Variants in THSD7B observed in about 807,000 individuals in gnomAD.
THSD7B encodes thrombospondin type 1 domain containing 7B, also known as thrombospondin type-1 domain-containing protein 7B.
THSD7B carries 138 observed loss-of-function variants against 213.6 expected under a neutral mutation model. That is an observed-to-expected ratio of 0.65 (90% CI 0.56 to 0.74). THSD7B has a LOEUF of 0.74. THSD7B is among the 30% of genes least tolerant of loss of function. The probability of loss-of-function intolerance (pLI) is 0.00; values close to 1 mark genes in which losing one functional copy is unlikely to be tolerated. For synonymous variants in THSD7B, 742 were observed against 687.0 expected, an observed-to-expected ratio of 1.08 and a Z score of -1.25; for missense variants, 1,931 against 1,991.5, an observed-to-expected ratio of 0.97 and a Z score of 0.58.
intron 15 of THSD7B, among the ~76,000 whole-genome samples, chr2:137,522,238 T>C (rs1470942013): frequency 1.3e-5 from 2 of 152,226 alleles, no homozygotes; most frequent in Non-Finnish European, 2.9e-5. Context: ...GAGTCCCTTG[T>C]AGACTGCATG....
chr2:137,178,064 C>T (rs1354494541), intron 7 of THSD7B, among the ~76,000 whole-genome samples: 4 of 136,252 alleles, frequency 2.9e-5, no homozygotes, highest in Admixed American at 7.6e-5. Context: ...AGCTAAACTC[C>T]GTCTCAAAAA....
chr2:137,644,706 GA>G (rs1682998024), intron 21 of THSD7B, among the ~76,000 whole-genome samples: 1 of 152,016 alleles, frequency 6.6e-6, no homozygotes, highest in South Asian at 2.1e-4. Flanking sequence ...TTGCACAAAG[GA>G]AAAACATCTT....
chr2:136,847,698 C>A (rs1479835229), intron 1 of THSD7B, among the ~76,000 whole-genome samples: 1 of 152,030 alleles, frequency 6.6e-6, no homozygotes, highest in African/African-American at 2.4e-5. Context: ...CTGTCAGCGC[C>A]CACCAAGGCA....
Position 137,618,427 on chromosome 2 carries a change from T to A in THSD7B, c.3601T>A (p.Cys1201Ser). The change falls in exon 19 of 28, where the codon TGT becomes AGT. Residue 1201 changes from cysteine to serine, a missense_variant. Physicochemically the swap from Cys to Ser is moderately radical, Grantham distance 112. Coordinates refer to ENST00000409968, the MANE Select transcript of THSD7B (RefSeq NM_001316349.2). Reference protein sequence around the residue: ...STCQLSENAPCGQGVRTRLLS... With the variant: ...STCQLSENAPSGQGVRTRLLS... ...ATGCCAGCTGAGTGAAAACGCACCCTGTGGTCAAGGCGTCAGGACCCGCCT... is the reference window on the plus strand; with the variant it reads ...ATGCCAGCTGAGTGAAAACGCACCCAGTGGTCAAGGCGTCAGGACCCGCCT... The A allele has an allele frequency of 1.2e-6, 2 of 1,613,864 alleles. No homozygotes were observed. Among genetic ancestry groups the A allele is most frequent in the South Asian group, 2.2e-5 (2 of 91,066 alleles).
intron 21 of THSD7B, among the ~76,000 whole-genome samples, chr2:137,644,863 G>A (rs955750142): frequency 6.6e-6 from 1 of 152,082 alleles, no homozygotes; most frequent in African/African-American, 2.4e-5. Context: ...AGCTCGCGTG[G>A]GCACAGTGGG....
chr2:136,849,330 A>G (rs1163542522), intron 1 of THSD7B, among the ~76,000 whole-genome samples: 1 of 152,178 alleles, frequency 6.6e-6, no homozygotes, highest in Non-Finnish European at 1.5e-5. Context: ...ATTCTGAAGC[A>G]TTGAGAAGAT....
intron 7 of THSD7B, among the ~76,000 whole-genome samples, chr2:137,222,094 T>C (rs369392801): frequency 6.6e-6 from 1 of 152,212 alleles, no homozygotes; most frequent in South Asian, 2.1e-4. Context: ...TGGAATGTCC[T>C]TTATCTCCAT....
At position 137,160,384 on chromosome 2, in the gene THSD7B, G is replaced by A. The variant is rs756679661; in HGVS notation, c.1525+16G>A. ...GGGAAAAAAGGTGAGTGCCTTGTTT[G>A]CATGCGCTTCATTTGCTGTCAGCGT... is the stretch of plus-strand genomic sequence containing the variant. On this transcript the variant is annotated intron_variant, in intron 6 of 27. Transcript: ENST00000409968. The A allele has an allele frequency of 5.6e-6, 9 of 1,609,954 alleles. No individual in the cohort carries two copies. In the African/African-American group the frequency reaches 1.2e-4, roughly 22 times the overall value.
At chr2:137,392,797 A>C (rs1389325600) in intron 12 of THSD7B, among the ~76,000 whole-genome samples, 1 of 152,174 alleles carries the variant, frequency 6.6e-6, no homozygotes, top group Non-Finnish European at 1.5e-5. Context: ...GTTAATACTT[A>C]CATGTGAGGT....
chr2:136,817,716 C>T (rs1573652337), intron 1 of THSD7B, among the ~76,000 whole-genome samples: 1 of 151,742 alleles, frequency 6.6e-6, no homozygotes, highest in Non-Finnish European at 1.5e-5. Context: ...AACAAACAAC[C>T]CCATCAAAAA....
intron 9 of THSD7B, among the ~76,000 whole-genome samples, chr2:137,238,751 C>T (rs1681832945): frequency 6.7e-6 from 1 of 150,158 alleles, no homozygotes; most frequent in Non-Finnish European, 1.5e-5. Context: ...GACGGGGTTT[C>T]ACCTTGTTAG....
intron 1 of THSD7B, among the ~76,000 whole-genome samples, chr2:136,845,685 G>T (rs566044220): frequency 1.3e-5 from 2 of 152,192 alleles, no homozygotes; most frequent in Non-Finnish European, 2.9e-5. Flanking sequence ...CTGGAATGTT[G>T]TGCTAACCTA....
chr2:137,480,837 T>C (rs1263518524), intron 15 of THSD7B, among the ~76,000 whole-genome samples: 1 of 152,278 alleles, frequency 6.6e-6, no homozygotes, highest in African/African-American at 2.4e-5. Flanking sequence ...ATCAGAATTT[T>C]ATAATAATTT....
intron 10 of THSD7B, among the ~76,000 whole-genome samples, chr2:137,261,072 C>T (rs1682435126): frequency 1.3e-5 from 2 of 152,244 alleles, no homozygotes; most frequent in South Asian, 4.1e-4. Flanking sequence ...CTCAGTCTTG[C>T]AAAGTGCTGA....
At chr2:136,924,701 A>G (rs889376938) in intron 2 of THSD7B, among the ~76,000 whole-genome samples, 1 of 152,002 alleles carries the variant, frequency 6.6e-6, no homozygotes, top group African/African-American at 2.4e-5. Context: ...TTTGTTTTCT[A>G]TTTCTACACA....
intron 12 of THSD7B, among the ~76,000 whole-genome samples, chr2:137,357,327 T>C (rs1046404367): frequency 6.6e-6 from 1 of 152,176 alleles, no homozygotes; most frequent in African/African-American, 2.4e-5. Context: ...GTGTGAAATA[T>C]GGGGGTCTTA....
chr2:137,599,470 A>G (rs1573735318), intron 17 of THSD7B, among the ~76,000 whole-genome samples: 1 of 151,790 alleles, frequency 6.6e-6, no homozygotes, highest in Non-Finnish European at 1.5e-5. Flanking sequence ...GGCAATCATT[A>G]AAAAGTCAGG....
chr2:137,083,629 T>C (rs1687787148), intron 3 of THSD7B, among the ~76,000 whole-genome samples: 1 of 152,152 alleles, frequency 6.6e-6, no homozygotes, highest in African/African-American at 2.4e-5. Context: ...AGTAATAGCA[T>C]ACATTCTGAT....
At chr2:136,886,341 A>G (rs1683716193) in intron 2 of THSD7B, among the ~76,000 whole-genome samples, 1 of 152,130 alleles carries the variant, frequency 6.6e-6, no homozygotes, top group South Asian at 2.1e-4. Flanking sequence ...TGAGAAGAGC[A>G]GGGCAAGGAG....
Sources: gnomAD v4.1 joint callset for allele counts (sites outside exome capture counted in the v4.1 genomes callset) on GRCh38, gnomAD v4.1.1 for gene constraint, MANE v1.5 for transcripts, NCBI Gene and HGNC (gene_info 2026-07-23, HGNC 2026-07-21) for gene names.